ANKS1B: variants seen among roughly 807,000 people sequenced by gnomAD.
ANKS1B encodes ankyrin repeat and sterile alpha motif domain-containing protein 1B.
A neutral mutation model predicts 148.3 loss-of-function variants in ANKS1B; 36 were observed. That is an observed-to-expected ratio of 0.24 (90% confidence interval 0.19 to 0.32). The LOEUF is 0.32. Among genes scored for constraint, ANKS1B ranks in the 10% least tolerant of loss-of-function variants. ANKS1B has a pLI of 1.00. For synonymous variants in ANKS1B, 542 were observed against 560.8 expected, an observed-to-expected ratio of 0.97 and a Z score of 0.47; for missense variants, 1,157 against 1,542.6, an observed-to-expected ratio of 0.75 and a Z score of 4.19.
chr12:99,955,983 C>G (rs2095316947), intron 1 of ANKS1B, among the ~76,000 whole-genome samples: 1 of 151,896 alleles, frequency 6.6e-6, no homozygotes, highest in Non-Finnish European at 1.5e-5. Flanking sequence ...AATAAAAGTA[C>G]ATGGGATGAG....
At chr12:99,381,866 GT>G (rs2093656175) in intron 12 of ANKS1B, among the ~76,000 whole-genome samples, 1 of 152,208 alleles carries the variant, frequency 6.6e-6, no homozygotes, top group African/African-American at 2.4e-5. Flanking sequence ...ACACTTTGAT[GT>G]TTAGACAATG....
intron 12 of ANKS1B, among the ~76,000 whole-genome samples, chr12:99,318,243 C>A (rs572879067): frequency 6.6e-6 from 1 of 152,166 alleles, no homozygotes; most frequent in African/African-American, 2.4e-5. Flanking sequence ...AGGAATGGTA[C>A]CAGCTCCTCT....
chr12:98,951,538 A>G (rs1051601128), intron 17 of ANKS1B, among the ~76,000 whole-genome samples: 3 of 152,034 alleles, frequency 2.0e-5, no homozygotes, highest in African/African-American at 4.8e-5. Context: ...TCTGCTGTCC[A>G]CAGAATATAG....
At chr12:99,854,503 GC>G (rs2088635634) in intron 1 of ANKS1B, among the ~76,000 whole-genome samples, 1 of 152,152 alleles carries the variant, frequency 6.6e-6, no homozygotes, top group Non-Finnish European at 1.5e-5. Context: ...AATTTCCCCA[GC>G]CTTTCTAGAG....
chr12:98,753,803 C>A (rs896004289), intron 25 of ANKS1B, among the ~76,000 whole-genome samples: 1 of 152,236 alleles, frequency 6.6e-6, no homozygotes, highest in African/African-American at 2.4e-5. Flanking sequence ...TGTCATTCTG[C>A]TGATGCTGAT....
At position 99,556,591 on chromosome 12, in the gene ANKS1B, C is replaced by A. The variant is rs562392403; in HGVS notation, c.1273-51950G>T. Among the ~76,000 whole-genome samples the A allele has an allele frequency of 6.6e-5, 10 of 152,210 alleles. No homozygotes were observed. In the South Asian group the frequency reaches 1.9e-3, roughly 28 times the overall value. The stretch of plus-strand genomic sequence containing the variant: ...TGATGTGGGCATTTAGTGCTATAAT[C>A]TTTCCTCTTAACACTGCTTTAGCTA... On this transcript the variant is annotated intron_variant, in intron 9 of 26. Coordinates refer to ENST00000683438, the MANE Select transcript of ANKS1B (RefSeq NM_001352186.2).
chr12:99,434,565 T>C (rs1224692315), intron 11 of ANKS1B, among the ~76,000 whole-genome samples: 1 of 152,164 alleles, frequency 6.6e-6, no homozygotes, highest in Non-Finnish European at 1.5e-5. Context: ...TAACCACATT[T>C]ATTTTCATTA....
chr12:98,825,479 T>C (rs1047079053), intron 19 of ANKS1B, among the ~76,000 whole-genome samples: 6 of 152,162 alleles, frequency 3.9e-5, no homozygotes, highest in Non-Finnish European at 7.4e-5. Flanking sequence ...AACATAAAGA[T>C]TTTATATTAC....
At chr12:99,217,860 A>G (rs900606265) in intron 14 of ANKS1B, among the ~76,000 whole-genome samples, 1 of 152,218 alleles carries the variant, frequency 6.6e-6, no homozygotes, top group Non-Finnish European at 1.5e-5. Context: ...ATACAGATGA[A>G]GAAACTGAGG....
intron 10 of ANKS1B, among the ~76,000 whole-genome samples, chr12:99,467,006 A>G (rs1160147050): frequency 6.6e-6 from 1 of 152,236 alleles, no homozygotes; most frequent in Non-Finnish European, 1.5e-5. Context: ...TTTTAGACCA[A>G]TATCCTTGAT....
chr12:99,121,317 A>AGG (rs1421313688), intron 15 of ANKS1B, among the ~76,000 whole-genome samples: 89 of 48,598 alleles, frequency 1.8e-3, no homozygotes, highest in East Asian at 0.013. Flanking sequence ...GTGTGTATGT[A>AGG]GGTATGTGTG....
intron 1 of ANKS1B, among the ~76,000 whole-genome samples, chr12:99,894,329 G>GAGGGAGGGAGGAAAAGA (rs1196013915): frequency 1.3e-5 from 1 of 78,078 alleles, no homozygotes; most frequent in African/African-American, 5.1e-5. Flanking sequence ...GGGAGGGAGG[G>GAGGGAGGGAGGAAAAGA]AAAGAAAAGA....
intron 9 of ANKS1B, among the ~76,000 whole-genome samples, chr12:99,549,166 A>T (rs2097196667): frequency 6.6e-6 from 1 of 152,192 alleles, no homozygotes; most frequent in Non-Finnish European, 1.5e-5. Context: ...ACCCATGTGA[A>T]CAGTCAAGTC....
chr12:98,885,760 A>C (rs1424852715), intron 17 of ANKS1B, among the ~76,000 whole-genome samples: 1 of 152,204 alleles, frequency 6.6e-6, no homozygotes, highest in Admixed American at 6.5e-5. Flanking sequence ...AAATCTAACA[A>C]AGATTGCATA....
intron 14 of ANKS1B, among the ~76,000 whole-genome samples, chr12:99,234,367 G>A (rs896823611): frequency 6.6e-6 from 1 of 152,030 alleles, no homozygotes; most frequent in African/African-American, 2.4e-5. Context: ...CTCTCTTTTA[G>A]TAACTGCTCT....
intron 9 of ANKS1B, among the ~76,000 whole-genome samples, chr12:99,558,460 G>C (rs1018927071): frequency 6.6e-6 from 1 of 152,146 alleles, no homozygotes; most frequent in African/African-American, 2.4e-5. Flanking sequence ...TGTGTCAAGG[G>C]GGGAGGGGAG....
chr12:99,670,471 G>T (rs2098532132), intron 8 of ANKS1B, among the ~76,000 whole-genome samples: 2 of 151,804 alleles, frequency 1.3e-5, no homozygotes, highest in African/African-American at 2.4e-5. Flanking sequence ...AAAAATTATT[G>T]TTTATGCCCA....
intron 24 of ANKS1B, among the ~76,000 whole-genome samples, chr12:98,773,930 A>G (rs1199302396): frequency 3.3e-5 from 5 of 152,166 alleles, no homozygotes; most frequent in African/African-American, 9.7e-5. Context: ...CCTCGCCATC[A>G]TGCTTGCACG....
At chr12:99,177,791 T>G (rs1203046527) in intron 14 of ANKS1B, among the ~76,000 whole-genome samples, 1 of 152,232 alleles carries the variant, frequency 6.6e-6, no homozygotes, top group Non-Finnish European at 1.5e-5. Flanking sequence ...AGTGATGACC[T>G]TGGCAAACTT....
Sources: allele counts gnomAD v4.1 joint callset (sites outside exome capture counted in the v4.1 genomes callset), GRCh38; gene constraint gnomAD v4.1.1; transcripts MANE v1.5; gene names NCBI Gene and HGNC (gene_info 2026-07-23, HGNC 2026-07-21).